The following ZNF223 variants were observed in gnomAD, a reference collection of about 807,000 sequenced individuals.
ZNF223 encodes zinc finger protein 223.
ZNF223 carries 9 observed loss-of-function variants against 12.3 expected under a neutral mutation model. The ratio of observed to expected loss-of-function variants is 0.73; its 90% CI spans 0.44 to 1.28. The LOEUF (loss-of-function observed/expected upper bound fraction) is 1.28. ZNF223 is among the 50% of genes most tolerant of loss of function. The pLI is 0.00. For missense variants in ZNF223, 506 were observed against 579.0 expected, an observed-to-expected ratio of 0.87 and a Z score of 1.29; for synonymous variants, 171 against 195.2, an observed-to-expected ratio of 0.88 and a Z score of 1.03.
At position 44,062,882 on chromosome 19, in the gene ZNF223, G is replaced by A. The variant is rs75153706; in HGVS notation, c.235+2041G>A. Among the ~76,000 whole-genome samples, 383 of 152,370 alleles carry A rather than the reference G, an allele frequency of 2.5e-3. 1 individual carries two copies. Among genetic ancestry groups the A allele is most frequent in the African/African-American group, 8.6e-3 (358 of 41,596 alleles). ...CCCTTAGAGGGGGAAGAATGAGGAT[G>A]AGAGGACACAAGTTATGTAGCTGAA... is the stretch of plus-strand genomic sequence containing the variant. On this transcript the variant is annotated intron_variant, in intron 4 of 4. Transcript: ENST00000434772.
At chr19:44,064,635 G>A (rs1013386430) in intron 4 of ZNF223, among the ~76,000 whole-genome samples, 3 of 151,912 alleles carry the variant, frequency 2.0e-5, no homozygotes, top group African/African-American at 7.3e-5. Flanking sequence ...GTGCAAATTC[G>A]GCAGTTTTTC....
rs371438704 is a variant in ZNF223 at position 44,060,739 on chromosome 19, C to T, written c.143-10C>T. On this transcript the variant is annotated splice_polypyrimidine_tract_variant and intron_variant, in intron 3 of 4. Coordinates refer to ENST00000434772, the MANE Select transcript of ZNF223 (RefSeq NM_013361.6). Reference sequence around the variant, plus strand: ...GTTGGGATTAAGCATGTGACTTTTCCTGTTTACAGGGCATCAACCATTCCA... The same window carrying T: ...GTTGGGATTAAGCATGTGACTTTTCTTGTTTACAGGGCATCAACCATTCCA... 1.9e-6 allele frequency: 3 copies of T among 1,613,792 alleles called. No homozygotes were observed. The highest frequency in any genetic ancestry group is 1.7e-5 in the Admixed American group (1 of 59,980).
rs1318835154 is a variant in ZNF223, at chr19:44,060,842, G to A, written c.235+1G>A. The A allele has an allele frequency of 6.2e-7, 1 of 1,611,588 alleles. No individual in the cohort carries two copies. The highest frequency in any genetic ancestry group is 1.7e-5 in the Admixed American group (1 of 59,928). On this transcript the variant is annotated splice_donor_variant, in intron 4 of 4. Coordinates refer to ENST00000434772, the MANE Select transcript of ZNF223 (RefSeq NM_013361.6). LOFTEE classifies it high-confidence loss of function. ...GCAACCCAAAGGGAAGGGAATTCAG[G>A]TAAGAAGCACGCAACTGTGTGTCCT... is the stretch of plus-strand genomic sequence containing the variant.
chr19:44,051,937 G>A (rs1230001008), upstream of ZNF223: 2 of 152,430 alleles, frequency 1.3e-5, no homozygotes, highest in South Asian at 2.1e-4. Flanking sequence ...CAGACACTCT[G>A]CGGAGTCCCG....
intron 2 of ZNF223, among the ~76,000 whole-genome samples, chr19:44,058,493 T>C (rs1007039488): frequency 6.6e-6 from 1 of 152,164 alleles, no homozygotes; most frequent in African/African-American, 2.4e-5. Flanking sequence ...GTCCCAGTTA[T>C]CAAAATAAGA....
Position 44,067,330 on chromosome 19 carries a change from T to C in ZNF223, c.*53T>C. The C allele has an allele frequency of 6.7e-7, 1 of 1,491,534 alleles. No homozygotes were observed. The highest frequency in any genetic ancestry group is 9.2e-7 in the Non-Finnish European group (1 of 1,091,264). The allele number at this position is 1,491,534 out of a possible 1,614,324, so 92.4% of individuals were successfully genotyped here. ...GTGATATTTAAATATATGTATATGA[T>C]GTATAATGATCAAATCAGTGTAATT... On this transcript the variant is annotated 3_prime_UTR_variant, in exon 5 of 5. Coordinates refer to ENST00000434772, the MANE Select transcript of ZNF223 (RefSeq NM_013361.6).
chr19:44,051,780 G>A (rs909036032), upstream of ZNF223: 1 of 152,232 alleles, frequency 6.6e-6, no homozygotes, highest in African/African-American at 2.4e-5. Context: ...CACCTTGCGG[G>A]ATTCCTGATA....
chr19:44,066,670 T>C lies in ZNF223; in HGVS notation c.842T>C (p.Ile281Thr). The change falls in exon 5 of 5, where the codon ATT (isoleucine) becomes ACT (threonine). Residue 281 changes from isoleucine to threonine, a missense_variant. Ile to Thr is a moderately conservative substitution (Grantham distance 89). Coordinates refer to ENST00000434772, the MANE Select transcript of ZNF223 (RefSeq NM_013361.6). ...TTCCAGCTTCAGAAACATCAGAGAA[T>C]TCACACAGGGGAGAAGCCATTCAAA... ...HDFQLQKHQR[I>T]HTGEKPFKCE... 1 of 1,614,200 alleles carries C rather than the reference T, an allele frequency of 6.2e-7. No homozygotes were observed. The highest frequency in any genetic ancestry group is 1.3e-5 in the African/African-American group (1 of 75,048).
intron 2 of ZNF223, among the ~76,000 whole-genome samples, chr19:44,055,978 C>G (rs1306798635): frequency 6.6e-6 from 1 of 151,992 alleles, no homozygotes; most frequent in Non-Finnish European, 1.5e-5. Context: ...AAGAGAGAGA[C>G]GAGAAGAAAG....
At position 44,061,030 on chromosome 19, in the gene ZNF223, T is replaced by C. The variant is rs541040563; in HGVS notation, c.235+189T>C. On this transcript the variant is annotated intron_variant, in intron 4 of 4. Transcript: ENST00000434772. ...TCTGTTCTCCTCATGGCAGCTAAAGTGATCCTTAGGACATGGATGTCAGAT... is the reference window on the plus strand; with the variant it reads ...TCTGTTCTCCTCATGGCAGCTAAAGCGATCCTTAGGACATGGATGTCAGAT... 2.3e-5 allele frequency: 13 copies of C among 567,392 alleles called. No individual in the cohort carries two copies. In the East Asian group the frequency reaches 3.9e-4, roughly 17 times the overall value. The allele number at this position is 567,392 out of a possible 1,614,324, so 35.1% of individuals were successfully genotyped here. A position where few individuals can be genotyped will look rare whatever the true frequency, so the allele number is the denominator to read the frequency against.
intron 4 of ZNF223, chr19:44,063,526 A>C (rs1340249221): frequency 6.6e-6 from 1 of 152,298 alleles, no homozygotes; most frequent in Non-Finnish European, 1.5e-5. Flanking sequence ...GGTCACATGA[A>C]CTGTGTGAAA....
At chr19:44,065,519 C>G (rs1976896421) in intron 4 of ZNF223, among the ~76,000 whole-genome samples, 1 of 149,464 alleles carries the variant, frequency 6.7e-6, no homozygotes, top group African/African-American at 2.5e-5. Context: ...TTTATTAAAC[C>G]TTTTATTTCT....
chr19:44,051,757 T>G (rs1976703348), upstream of ZNF223: 1 of 152,190 alleles, frequency 6.6e-6, no homozygotes, highest in African/African-American at 2.4e-5. Flanking sequence ...CATCTGAGGC[T>G]CTGCAGTCCA....
At chr19:44,055,938 A>C (rs1976757389) in intron 2 of ZNF223, among the ~76,000 whole-genome samples, 1 of 152,178 alleles carries the variant, frequency 6.6e-6, no homozygotes, top group African/African-American at 2.4e-5. Context: ...CAATCAAGGA[A>C]CAGGAATGTT....
chr19:44,055,544 C>T (rs1599867250), intron 2 of ZNF223, among the ~76,000 whole-genome samples: 1 of 151,640 alleles, frequency 6.6e-6, no homozygotes, highest in East Asian at 2.0e-4. Flanking sequence ...CTGAGGCAGG[C>T]GGATCACCTG....
At chr19:44,052,474 G>A (rs898829805) in intron 1 of ZNF223, among the ~76,000 whole-genome samples, 1 of 152,294 alleles carries the variant, frequency 6.6e-6, no homozygotes, top group South Asian at 2.1e-4. Context: ...TTTGCGAATT[G>A]AAAGAGATAA....
intron 2 of ZNF223, among the ~76,000 whole-genome samples, chr19:44,056,562 CT>C (rs1254653778): frequency 7.0e-5 from 10 of 143,670 alleles, no homozygotes; most frequent in South Asian, 6.5e-4. Context: ...TAAATTCCTC[CT>C]TATGGCATAA....
chr19:44,063,978 A>G (rs1441068762), intron 4 of ZNF223, among the ~76,000 whole-genome samples: 4 of 152,216 alleles, frequency 2.6e-5, no homozygotes, highest in Non-Finnish European at 5.9e-5. Context: ...TTAACTCTCC[A>G]TCAGAAAAAT....
intron 4 of ZNF223, among the ~76,000 whole-genome samples, chr19:44,062,773 C>T (rs1244069533): frequency 1.3e-5 from 2 of 152,138 alleles, no homozygotes; most frequent in Non-Finnish European, 2.9e-5. Flanking sequence ...AGCTAGCTTT[C>T]CTTTGAGAGA....
Sources: allele counts gnomAD v4.1 joint callset (sites outside exome capture counted in the v4.1 genomes callset), GRCh38; gene constraint gnomAD v4.1.1; transcripts MANE v1.5; gene names NCBI Gene and HGNC (gene_info 2026-07-23, HGNC 2026-07-21).